The following HMCN2 variants were observed in gnomAD, a reference collection of about 807,000 sequenced individuals.
The protein encoded by HMCN2 is hemicentin 2, also known as hemicentin-2.
HMCN2 carries 325 observed loss-of-function variants against 377.5 expected under a neutral mutation model. The observed-to-expected ratio is 0.86, with a 90% CI of 0.79 to 0.94. The LOEUF (loss-of-function observed/expected upper bound fraction) is 0.94, where lower values mean the gene tolerates loss of function less well. Among genes scored for constraint, HMCN2 ranks in the 40% least tolerant of loss-of-function variants. The pLI is 0.00. For synonymous variants in HMCN2, 2,007 were observed against 2,046.8 expected (o/e 0.98, Z 0.53); for missense variants, 4,543 against 4,725.3 (o/e 0.96, Z 1.13).
At chr9:130,310,746 C>T (rs1837203815) in intron 15 of HMCN2, among the ~76,000 whole-genome samples, 1 of 152,144 alleles carries the variant, frequency 6.6e-6, no homozygotes, top group East Asian at 1.9e-4. Flanking sequence ...TGGAGGCCCA[C>T]CGCAGACAGT....
At chr9:130,365,011 AC>A in intron 41 of HMCN2, 122 bp downstream of exon 41, 1 of 527,148 alleles carries the variant, frequency 1.9e-6, no homozygotes, top group Non-Finnish European at 2.4e-6. Context: ...GGAGGACAAA[AC>A]CCCAGGACTG....
chr9:130,316,728 T>C (rs1837581294), intron 15 of HMCN2, among the ~76,000 whole-genome samples: 2 of 152,178 alleles, frequency 1.3e-5, no homozygotes, highest in African/African-American at 2.4e-5. Context: ...ACGGTGGCCA[T>C]GGAACCAGCT....
intron 23 of HMCN2, chr9:130,338,619 G>GT (rs1838885280): frequency 6.8e-6 from 1 of 147,632 alleles, no homozygotes; most frequent in African/African-American, 2.7e-5. Context: ...TCCCAGCCTG[G>GT]TGGGGGGTCC....
At chr9:130,275,654 T>G (rs1472425448) in intron 1 of HMCN2, among the ~76,000 whole-genome samples, 2 of 152,166 alleles carry the variant, frequency 1.3e-5, no homozygotes, top group Non-Finnish European at 2.9e-5. Flanking sequence ...TTCACTATGT[T>G]GGCCAGACTG....
chr9:130,389,164 C>T (rs930200321), intron 62 of HMCN2, among the ~76,000 whole-genome samples: 6 of 152,186 alleles, frequency 3.9e-5, no homozygotes, highest in Admixed American at 3.3e-4. Context: ...TCTCCCTGCC[C>T]CTCCATGCGC....
intron 46 of HMCN2, among the ~76,000 whole-genome samples, chr9:130,371,733 A>G (rs539289960): frequency 2.0e-5 from 3 of 152,222 alleles, no homozygotes; most frequent in Admixed American, 2.0e-4. Context: ...TGCCGGGTGC[A>G]TTCTGTGGAT....
chr9:130,281,155 G>GTTT (rs1355980214), intron 1 of HMCN2, among the ~76,000 whole-genome samples: 13 of 149,560 alleles, frequency 8.7e-5, no homozygotes, highest in Admixed American at 4.7e-4. Context: ...GTTTTGCTTT[G>GTTT]TTTTGCCTGT....
rs1482147482 is a variant in HMCN2, at chr9:130,414,702, G to A, written c.12961+4050G>A. Among the ~76,000 whole-genome samples, 2 of 151,774 alleles carry A rather than the reference G, an allele frequency of 1.3e-5. No individual in the cohort carries two copies. The highest frequency in any genetic ancestry group is 4.8e-5 in the African/African-American group (2 of 41,270). ...TCAGGGCTCACTGCAGCCTGGGCTC[G>A]GGTGATCATCCCATCTCAGCCTCCC... On this transcript the variant is annotated intron_variant, in intron 85 of 97. Coordinates refer to ENST00000683500, the MANE Select transcript of HMCN2 (RefSeq NM_001291815.2). This position sits in a 1 kb window ranked among gnomAD's most constrained non-coding sequence, Gnocchi z 4.4.
chr9:130,374,720 C>G, intron 49 of HMCN2, 27 bp downstream of exon 49: 1 of 982,534 alleles, frequency 1.0e-6, no homozygotes, highest in Non-Finnish European at 1.2e-6. Flanking sequence ...TCCTGGCCAC[C>G]GCGGGTGCTG....
At chr9:130,296,381 G>A (rs1836151890) in intron 6 of HMCN2, among the ~76,000 whole-genome samples, 1 of 152,238 alleles carries the variant, frequency 6.6e-6, no homozygotes, top group Non-Finnish European at 1.5e-5. Context: ...GGGCAAGGCA[G>A]GGAGTTAGAC....
Position 130,406,124 on chromosome 9 carries a change from C to T in HMCN2, c.12509C>T (p.Pro4170Leu). The T allele has an allele frequency of 1.6e-6, 2 of 1,289,856 alleles. No homozygotes were observed. Among genetic ancestry groups the T allele is most frequent in the Non-Finnish European group, 2.0e-6 (2 of 988,878 alleles). The allele number at this position is 1,289,856 out of a possible 1,614,324, so 79.9% of individuals were successfully genotyped here. A position where few individuals can be genotyped will look rare whatever the true frequency, so the allele number is the denominator to read the frequency against. ...CTTCGCTGTGCAGCCCGGGGCAGCC[C>T]CACCCCTCGCATTGGCTGGACTGTC... Reference protein sequence around the residue: ...LWLRCAARGSPTPRIGWTVND... With the variant: ...LWLRCAARGSLTPRIGWTVND... Residue 4170 changes from proline to leucine, a missense_variant, in exon 82 of 98, where the codon CCC (proline) becomes CTC (leucine). By Grantham distance (98) the Pro-to-Leu change is moderately conservative (BLOSUM62 -3). Around this residue, in one of 5 missense-constraint regions of HMCN2, gnomAD observed 1,073 missense variants for 1,319.5 expected, o/e 0.81. Coordinates refer to ENST00000683500, the MANE Select transcript of HMCN2 (RefSeq NM_001291815.2).
At chr9:130,277,097 G>A (rs1834734071) in intron 1 of HMCN2, among the ~76,000 whole-genome samples, 1 of 152,228 alleles carries the variant, frequency 6.6e-6, no homozygotes, top group African/African-American at 2.4e-5. Flanking sequence ...GTGGGTGAGG[G>A]GTTAGGCCGT....
At chr9:130,298,997 C>T (rs1554933131) in intron 7 of HMCN2, 28 bp from the exon 8 acceptor site, 1 of 457,584 alleles carries the variant, frequency 2.2e-6, no homozygotes, top group Non-Finnish European at 4.6e-6. Flanking sequence ...CTGACGCCAG[C>T]ACTTTGTTCT....
At chr9:130,362,263 C>T in intron 39 of HMCN2, 98 bp downstream of exon 39, 3 of 831,530 alleles carry the variant, frequency 3.6e-6, no homozygotes, top group Non-Finnish European at 2.9e-6. Flanking sequence ...GAGGGAGAAG[C>T]AGCGATAGCC....
chr9:130,266,805 C>T (rs1480865193), intron 1 of HMCN2, among the ~76,000 whole-genome samples: 1 of 152,222 alleles, frequency 6.6e-6, no homozygotes, highest in African/African-American at 2.4e-5. Flanking sequence ...CCTCTGCTTC[C>T]CCTTTAACCC....
rs1165886584 is a variant in HMCN2, at chr9:130,291,342, T to G, written c.613-3513T>G. ...CCCCTGCCTCAGCCTCCTGAGTAGC[T>G]GGGATTACGGGCGCCTGCCACCACA... On this transcript the variant is annotated intron_variant, in intron 4 of 97. Transcript: ENST00000683500. Among the ~76,000 whole-genome samples the G allele has an allele frequency of 3.9e-5, 6 of 152,196 alleles. No individual in the cohort carries two copies. The East Asian group carries it at 1.2e-3, about 29-fold the overall frequency.
rs181042869 is a variant in HMCN2, at chr9:130,304,223, G to A, written c.1544-507G>A. Among the ~76,000 whole-genome samples the A allele has an allele frequency of 1.1e-4, 16 of 152,134 alleles. No homozygotes were observed. Among genetic ancestry groups the A allele is most frequent in the Admixed American group, 2.0e-4 (3 of 15,302 alleles). On this transcript the variant is annotated intron_variant, in intron 10 of 97. Transcript: ENST00000683500. The surrounding 1 kb of genome is among the most constrained non-coding windows in gnomAD (Gnocchi z 4.3). ...TACTCCCTTTTAGGTTTTTTTCTAT[G>A]TTCAGCAGTCTCTGATCTTGCCACT...
chr9:130,289,580 G>A (rs1275420059), intron 4 of HMCN2, among the ~76,000 whole-genome samples: 1 of 152,128 alleles, frequency 6.6e-6, no homozygotes, highest in Non-Finnish European at 1.5e-5. Context: ...GTGCAGTTGG[G>A]TTAACGAGAG....
chr9:130,398,746 C>T (rs1842729968), intron 75 of HMCN2, 39 bp downstream of exon 75: 1 of 1,280,156 alleles, frequency 7.8e-7, no homozygotes, highest in South Asian at 1.2e-5. Flanking sequence ...CTGAGACGCA[C>T]AGGGCGGGGA....
Sources: allele counts gnomAD v4.1 joint callset (sites outside exome capture counted in the v4.1 genomes callset), GRCh38; gene constraint gnomAD v4.1.1; regional missense constraint gnomAD v4.1.1; non-coding constraint Gnocchi (gnomAD v3.1); transcripts MANE v1.5; gene names NCBI Gene and HGNC (gene_info 2026-07-23, HGNC 2026-07-21).